Variants in MINDY4 observed in about 807,000 individuals in gnomAD.
MINDY4 encodes probable ubiquitin carboxyl-terminal hydrolase MINDY-4.
Under a neutral mutation model 87.0 loss-of-function variants are expected in MINDY4, and 68 were observed. The observed-to-expected ratio is 0.78, with a 90% CI of 0.64 to 0.96. MINDY4 has a LOEUF of 0.96. Ranked by LOEUF, MINDY4 falls within the 40% of genes least tolerant of loss-of-function variation. The probability of loss-of-function intolerance (pLI) is 0.00; values close to 1 mark genes in which losing one functional copy is unlikely to be tolerated. For missense variants in MINDY4, 919 were observed against 928.2 expected, an observed-to-expected ratio of 0.99 and a Z score of 0.13; for synonymous variants, 379 against 363.2, an observed-to-expected ratio of 1.04 and a Z score of -0.50.
chr7:30,878,011 C>T (rs1584350377), intron 15 of MINDY4, among the ~76,000 whole-genome samples: 1 of 151,612 alleles, frequency 6.6e-6, no homozygotes, highest in South Asian at 2.1e-4. Context: ...ACCTTCCATC[C>T]CTTCTGTCCC....
chr7:30,863,049 C>A (rs969629212), intron 13 of MINDY4, among the ~76,000 whole-genome samples: 2 of 152,180 alleles, frequency 1.3e-5, no homozygotes, highest in Non-Finnish European at 2.9e-5. Flanking sequence ...GCCACTGTCC[C>A]TGAGACCCCC....
At chr7:30,868,285 A>G (rs1223554654) in intron 13 of MINDY4, among the ~76,000 whole-genome samples, 1 of 152,170 alleles carries the variant, frequency 6.6e-6, no homozygotes, top group Admixed American at 6.5e-5. Context: ...TGATGTTGGT[A>G]CTAGGGACAG....
At chr7:30,775,319 C>G (rs1786776603) in intron 1 of MINDY4, among the ~76,000 whole-genome samples, 1 of 152,114 alleles carries the variant, frequency 6.6e-6, no homozygotes, top group South Asian at 2.1e-4. Context: ...TAATAATGTG[C>G]TAGAATGGCT....
At chr7:30,863,504 C>T (rs1032077308) in intron 13 of MINDY4, among the ~76,000 whole-genome samples, 7 of 152,152 alleles carry the variant, frequency 4.6e-5, no homozygotes, top group African/African-American at 1.7e-4. Context: ...ATGGAGAGGG[C>T]ATAGTCGTTC....
At position 30,791,419 on chromosome 7, in the gene MINDY4, G is replaced by A. The variant is rs373295305; in HGVS notation, c.918G>A (p.Pro306=). The part of the protein sequence containing the change: ...KRLPPWDRAR[P]RDPSEDTPAV... ...TGCCCCCATGGGACAGGGCCAGGCCGAGGGATCCCTCCGAGGACACCCCAG... is the reference window on the plus strand; with the variant it reads ...TGCCCCCATGGGACAGGGCCAGGCCAAGGGATCCCTCCGAGGACACCCCAG... The change falls in exon 5 of 18, where the codon CCG becomes CCA. Residue 306 remains proline, a synonymous_variant. Coordinates refer to ENST00000265299, the MANE Select transcript of MINDY4 (RefSeq NM_032222.3). 6.2e-6 allele frequency: 10 copies of A among 1,614,118 alleles called. No homozygotes were observed. Among genetic ancestry groups the A allele is most frequent in the African/African-American group, 2.7e-5 (2 of 75,032 alleles).
chr7:30,830,824 C>T (rs531964430), intron 6 of MINDY4, among the ~76,000 whole-genome samples: 21 of 152,202 alleles, frequency 1.4e-4, no homozygotes, highest in Middle Eastern at 3.4e-3. Context: ...TGTCAAATAG[C>T]GATGTGGAAG....
At chr7:30,840,388 G>A (rs1430775059) in intron 8 of MINDY4, among the ~76,000 whole-genome samples, 1 of 152,224 alleles carries the variant, frequency 6.6e-6, no homozygotes, top group Non-Finnish European at 1.5e-5. Flanking sequence ...GAGAACTTTA[G>A]GATGGGCCTT....
At chr7:30,820,593 T>C (rs1159874091) in intron 5 of MINDY4, among the ~76,000 whole-genome samples, 2 of 152,142 alleles carry the variant, frequency 1.3e-5, no homozygotes, top group East Asian at 1.9e-4. Context: ...TCATATAATA[T>C]ATAAACTTAC....
At chr7:30,790,460 AT>A (rs1385112536) in intron 4 of MINDY4, among the ~76,000 whole-genome samples, 3 of 106,662 alleles carry the variant, frequency 2.8e-5, no homozygotes, top group African/African-American at 4.2e-5. Flanking sequence ...TTATTTATTT[AT>A]TTTTTTGAGA....
rs567570514 is a variant in MINDY4 at position 30,841,161 on chromosome 7, C to T, written c.1445+313C>T. 1.3e-4 allele frequency among the ~76,000 whole-genome samples: 20 copies of T among 152,316 alleles called. No individual in the cohort carries two copies. In the South Asian group the frequency reaches 3.7e-3, roughly 28 times the overall value. On this transcript the variant is annotated intron_variant, in intron 9 of 17. Coordinates refer to ENST00000265299, the MANE Select transcript of MINDY4 (RefSeq NM_032222.3). ...CCCGAATCCCTTCCACCCACCAGGTCGACCTGCCGACCTTTCGACTGCGTC... is the reference window on the plus strand; with the variant it reads ...CCCGAATCCCTTCCACCCACCAGGTTGACCTGCCGACCTTTCGACTGCGTC...
chr7:30,814,312 C>T (rs1788088696), intron 5 of MINDY4, among the ~76,000 whole-genome samples: 1 of 151,928 alleles, frequency 6.6e-6, no homozygotes, highest in Non-Finnish European at 1.5e-5. Context: ...TTTTTCTGAC[C>T]AAGTAAGGAC....
At chr7:30,835,902 C>T (rs1490399961) in intron 6 of MINDY4, among the ~76,000 whole-genome samples, 1 of 152,234 alleles carries the variant, frequency 6.6e-6, no homozygotes, top group Non-Finnish European at 1.5e-5. Context: ...AGCTGGGACC[C>T]TCTCTAGGCC....
intron 15 of MINDY4, 82 bp downstream of exon 15, chr7:30,875,738 G>T: frequency 6.9e-7 from 1 of 1,451,196 alleles, no homozygotes. Flanking sequence ...AAGGAAAGCT[G>T]GACTCCACTT....
At chr7:30,853,365 A>T in intron 11 of MINDY4, 29 bp from the exon 12 acceptor site, 1 of 1,601,464 alleles carries the variant, frequency 6.2e-7, no homozygotes, top group Non-Finnish European at 8.5e-7. Flanking sequence ...GGCTTGGGCC[A>T]CTCATCCTGA....
intron 8 of MINDY4, 56 bp downstream of exon 8, chr7:30,839,372 G>C (rs1272981707): frequency 1.8e-6 from 2 of 1,108,592 alleles, no homozygotes; most frequent in Non-Finnish European, 2.6e-6. Context: ...ATGCATAGGG[G>C]TGGGTGTACC....
Position 30,791,447 on chromosome 7 carries a change from G to T in MINDY4, c.946G>T (p.Val316Leu). ...PRDPSEDTPA[V>L]DGSTDTDRMP... ...GGATCCCTCCGAGGACACCCCAGCA[G>T]TGGACGGCAGCACAGACACGGACAG... The change falls in exon 5 of 18, where the codon GTG becomes TTG. Residue 316 changes from valine to leucine, a missense_variant. Transcript: ENST00000265299. 1 of 1,614,106 alleles carries T rather than the reference G, an allele frequency of 6.2e-7. No individual in the cohort carries two copies. The highest frequency in any genetic ancestry group is 8.5e-7 in the Non-Finnish European group (1 of 1,180,020).
At position 30,822,381 on chromosome 7, in the gene MINDY4, G is replaced by T. The variant is rs545904670; in HGVS notation, c.1074-6298G>T. On this transcript the variant is annotated intron_variant, in intron 5 of 17. Transcript: ENST00000265299. ...AGACAGGGTTTTGCCATGTTGCCCA[G>T]GCTGGCCTCAAACTCCTGGGCTCAA... Among the ~76,000 whole-genome samples the T allele has an allele frequency of 1.5e-4, 23 of 152,104 alleles. No individual in the cohort carries two copies. The South Asian group carries it at 4.8e-3, about 32-fold the overall frequency.
At chr7:30,829,057 G>T (rs1470829292) in intron 6 of MINDY4, among the ~76,000 whole-genome samples, 1 of 152,172 alleles carries the variant, frequency 6.6e-6, no homozygotes, top group African/African-American at 2.4e-5. Context: ...AAGGTCTCCA[G>T]AAAACAGTTC....
chr7:30,845,353 C>A (rs1789175424), intron 9 of MINDY4, among the ~76,000 whole-genome samples: 1 of 152,104 alleles, frequency 6.6e-6, no homozygotes, highest in African/African-American at 2.4e-5. Flanking sequence ...TGGGCAGGAA[C>A]CTCTCTCAGT....
Sources: gnomAD v4.1 joint callset for allele counts (sites outside exome capture counted in the v4.1 genomes callset) on GRCh38, gnomAD v4.1.1 for gene constraint, MANE v1.5 for transcripts, NCBI Gene and HGNC (gene_info 2026-07-23, HGNC 2026-07-21) for gene names.